Variants in PSMB2 observed in about 807,000 individuals in gnomAD.
The protein encoded by PSMB2 is proteasome subunit beta type-2.
In PSMB2, 13 loss-of-function variants were observed where a neutral mutation model predicts 25.7. That is an observed-to-expected ratio of 0.51 (90% CI 0.33 to 0.80). The LOEUF (loss-of-function observed/expected upper bound fraction) is 0.80, where lower values mean the gene tolerates loss of function less well. Ranked by LOEUF, PSMB2 falls within the 30% of genes least tolerant of loss-of-function variation. The pLI is 0.02. For missense variants in PSMB2, 202 were observed against 259.0 expected (o/e 0.78, Z 1.51); for synonymous variants, 87 against 96.2 (o/e 0.90, Z 0.56).
At chr1:35,614,406 C>T (rs978314394) in intron 3 of PSMB2, among the ~76,000 whole-genome samples, 5 of 152,202 alleles carry the variant, frequency 3.3e-5, no homozygotes, top group African/African-American at 1.2e-4. Context: ...AGTAATCCTT[C>T]GCAAAGATTA....
intron 1 of PSMB2, among the ~76,000 whole-genome samples, chr1:35,640,901 C>T (rs1651373103): frequency 6.6e-6 from 1 of 152,182 alleles, no homozygotes; most frequent in South Asian, 2.1e-4. Context: ...GAGCAAATGC[C>T]AAGGTCCCAG....
chr1:35,610,132 G>A (rs1359831195), intron 3 of PSMB2, among the ~76,000 whole-genome samples: 1 of 152,078 alleles, frequency 6.6e-6, no homozygotes, highest in East Asian at 1.9e-4. Flanking sequence ...TAAACTGCAT[G>A]CCCACTACTA....
At chr1:35,610,309 G>A (rs193103139) in intron 3 of PSMB2, among the ~76,000 whole-genome samples, 10 of 152,000 alleles carry the variant, frequency 6.6e-5, no homozygotes, top group South Asian at 2.1e-4. Flanking sequence ...GCATGATGGC[G>A]CGCACCTGTG....
At position 35,599,731 on chromosome 1, in the gene PSMB2, T is replaced by C. The variant is rs1206633182; in HGVS notation, c.*3536A>G. On this transcript the variant is annotated 3_prime_UTR_variant, in exon 6 of 6. Coordinates refer to ENST00000373237, the MANE Select transcript of PSMB2 (RefSeq NM_002794.5). ...ATGGTGAAACTAGTTTTTTAAAATATGGAGAAAGACCTGGAGAGGGAAGAG... is the reference window on the plus strand; with the variant it reads ...ATGGTGAAACTAGTTTTTTAAAATACGGAGAAAGACCTGGAGAGGGAAGAG... 3 of 984,658 alleles carry C rather than the reference T, an allele frequency of 3.0e-6. No homozygotes were observed. The highest frequency in any genetic ancestry group is 6.1e-5 in the Admixed American group (1 of 16,268). 61.0% of individuals were successfully genotyped at this position (984,658 alleles called of 1,614,324 possible).
intron 3 of PSMB2, among the ~76,000 whole-genome samples, chr1:35,615,251 G>A (rs1456844326): frequency 6.6e-6 from 1 of 152,180 alleles, no homozygotes; most frequent in East Asian, 1.9e-4. Context: ...TGGCTGATAA[G>A]CACATCTCTT....
intron 2 of PSMB2, among the ~76,000 whole-genome samples, chr1:35,635,259 C>CA (rs1285421213): frequency 0.02 from 2,724 of 136,356 alleles, 74 homozygotes; most frequent in East Asian, 0.059. Flanking sequence ...AACTCCATCT[C>CA]AAAAAAAAAA....
At position 35,627,965 on chromosome 1, in the gene PSMB2, A is replaced by G. The variant is rs74524787; in HGVS notation, c.285+3309T>C. On this transcript the variant is annotated intron_variant, in intron 3 of 5. Coordinates refer to ENST00000373237, the MANE Select transcript of PSMB2 (RefSeq NM_002794.5). ...CAAACAATTTGAGCTACAGACACAGAAGTTATACATGGTAACTGGCTGACC... is the reference window on the plus strand; with the variant it reads ...CAAACAATTTGAGCTACAGACACAGGAGTTATACATGGTAACTGGCTGACC... 3.5e-3 allele frequency among the ~76,000 whole-genome samples: 536 copies of G among 152,274 alleles called. 7 individuals carry two copies. Among genetic ancestry groups the G allele is most frequent in the African/African-American group, 0.013 (522 of 41,578 alleles).
intron 1 of PSMB2, among the ~76,000 whole-genome samples, chr1:35,639,019 G>C (rs370852913): frequency 6.6e-6 from 1 of 151,508 alleles, no homozygotes; most frequent in Non-Finnish European, 1.5e-5. Flanking sequence ...TTTGGGAGGC[G>C]GAGGCAGGTG....
chr1:35,608,877 G>A (rs944394335), intron 4 of PSMB2, among the ~76,000 whole-genome samples: 1 of 152,130 alleles, frequency 6.6e-6, no homozygotes, highest in Non-Finnish European at 1.5e-5. Flanking sequence ...ATTCTTTACT[G>A]AGATGCCAAA....
chr1:35,633,556 G>A (rs185304712), intron 2 of PSMB2, among the ~76,000 whole-genome samples: 1 of 152,208 alleles, frequency 6.6e-6, no homozygotes, highest in East Asian at 1.9e-4. Flanking sequence ...TGCTACTCTT[G>A]TTCACTCTTC....
At position 35,610,473 on chromosome 1, in the gene PSMB2, T is replaced by C. The variant is rs114621530; in HGVS notation, c.286-1065A>G. Among the ~76,000 whole-genome samples the C allele has an allele frequency of 2.6e-3, 403 of 152,082 alleles. 3 individuals are homozygous for C. Among genetic ancestry groups the C allele is most frequent in the African/African-American group, 9.2e-3 (382 of 41,538 alleles). ...AAACAACTCATGAGGTAGGGAGGGA[T>C]AGTAAGTCTCTTTCTTTGTTGTTGT... On this transcript the variant is annotated intron_variant, in intron 3 of 5. Transcript: ENST00000373237.
rs1649955882 is a variant in PSMB2 at position 35,600,416 on chromosome 1, T to A, written c.*2851A>T. The A allele has an allele frequency of 7.1e-6, 6 of 840,684 alleles. No homozygotes were observed. The highest frequency in any genetic ancestry group is 1.2e-3 in the Middle Eastern group (2 of 1,632). 52.1% of individuals were successfully genotyped at this position (840,684 alleles called of 1,614,324 possible). On this transcript the variant is annotated 3_prime_UTR_variant, in exon 6 of 6. Coordinates refer to ENST00000373237, the MANE Select transcript of PSMB2 (RefSeq NM_002794.5). ...CAAACATACTGTGGTATATAGAAGATGTTAACATTACAGAAACTGAATAAG... is the reference window on the plus strand; with the variant it reads ...CAAACATACTGTGGTATATAGAAGAAGTTAACATTACAGAAACTGAATAAG...
At chr1:35,633,506 C>T (rs1330208638) in intron 2 of PSMB2, among the ~76,000 whole-genome samples, 1 of 152,156 alleles carries the variant, frequency 6.6e-6, no homozygotes, top group African/African-American at 2.4e-5. Flanking sequence ...TTTGTCTGTG[C>T]ACTGACTTTA....
chr1:35,638,744 G>A (rs1445185311), intron 1 of PSMB2, among the ~76,000 whole-genome samples: 1 of 152,162 alleles, frequency 6.6e-6, no homozygotes, highest in Non-Finnish European at 1.5e-5. Context: ...CGGCATATAA[G>A]CAAACCAAAA....
At chr1:35,613,445 G>A (rs180931510) in intron 3 of PSMB2, among the ~76,000 whole-genome samples, 7 of 151,292 alleles carry the variant, frequency 4.6e-5, no homozygotes, top group East Asian at 3.9e-4. Flanking sequence ...CTTAAGCCCC[G>A]GCATACAGTG....
At chr1:35,639,969 G>A (rs377481388) in intron 1 of PSMB2, among the ~76,000 whole-genome samples, 3 of 152,008 alleles carry the variant, frequency 2.0e-5, no homozygotes, top group Admixed American at 1.3e-4. Context: ...TCTAGGGCAC[G>A]GAGTTAGAGA....
chr1:35,628,592 AAAAAATATATATATATATATAT>A lies in PSMB2; in HGVS notation c.285+2660_285+2681del, dbSNP rs1650961419. Among the ~76,000 whole-genome samples the A allele has an allele frequency of 5.8e-4, 11 of 19,086 alleles. 1 individual carries two copies. The highest frequency in any genetic ancestry group is 2.8e-3 in the Admixed American group (3 of 1,078). 12.5% of individuals were successfully genotyped at this position (19,086 alleles called of 152,430 possible). ...CTTTCTTGGAAGAAAAAAAAAAAAA[AAAAAATATATATATATATATAT>A]ATATATATATATATATATTTTTTTT... On this transcript the variant is annotated intron_variant, in intron 3 of 5. Transcript: ENST00000373237.
intron 3 of PSMB2, among the ~76,000 whole-genome samples, chr1:35,630,665 G>A (rs1415494391): frequency 1.3e-5 from 2 of 152,338 alleles, no homozygotes; most frequent in East Asian, 3.9e-4. Flanking sequence ...AAAAAGATGA[G>A]TGGTTGTCAG....
At chr1:35,614,039 A>G (rs1326096726) in intron 3 of PSMB2, among the ~76,000 whole-genome samples, 1 of 152,250 alleles carries the variant, frequency 6.6e-6, no homozygotes, top group Non-Finnish European at 1.5e-5. Flanking sequence ...GTTAGTGCCC[A>G]GCACAGTGCC....
Sources: gnomAD v4.1 joint callset for allele counts (sites outside exome capture counted in the v4.1 genomes callset) on GRCh38, gnomAD v4.1.1 for gene constraint, MANE v1.5 for transcripts, NCBI Gene and HGNC (gene_info 2026-07-23, HGNC 2026-07-21) for gene names.